The following PARD6B variants were observed in gnomAD, a reference collection of about 807,000 sequenced individuals.
PARD6B encodes the protein par-6 family cell polarity regulator beta.
A neutral mutation model predicts 10.5 loss-of-function variants in PARD6B; 4 were observed. That is an observed-to-expected ratio of 0.38 (90% CI 0.19 to 0.87). The LOEUF is 0.87. Ranked by LOEUF, PARD6B falls within the 40% of genes least tolerant of loss-of-function variation. PARD6B has a pLI of 0.41. For synonymous variants in PARD6B, 169 were observed against 170.4 expected (o/e 0.99, Z 0.07); for missense variants, 396 against 470.6 (o/e 0.84, Z 1.47).
rs777891584 is a variant in PARD6B, at chr20:50,750,672, G to T, written c.*184G>T. ...TTAATATAAACTTTGGTGGATCAGA[G>T]GTGAATTTAAGTCCAAAACAAAGGG... On this transcript the variant is annotated 3_prime_UTR_variant, in exon 3 of 3. Coordinates refer to ENST00000371610, the MANE Select transcript of PARD6B (RefSeq NM_032521.3). 1 of 1,375,820 alleles carries T rather than the reference G, an allele frequency of 7.3e-7. No individual in the cohort carries two copies. Among genetic ancestry groups the T allele is most frequent in the Non-Finnish European group, 9.4e-7 (1 of 1,068,844 alleles). 85.2% of individuals were successfully genotyped at this position (1,375,820 alleles called of 1,614,324 possible).
At chr20:50,744,188 C>T (rs1382432684) in intron 2 of PARD6B, among the ~76,000 whole-genome samples, 3 of 144,540 alleles carry the variant, frequency 2.1e-5, no homozygotes, top group Non-Finnish European at 3.0e-5. Flanking sequence ...GATCTCGTCT[C>T]ACGGCAACCT....
At chr20:50,732,569 C>T (rs1385667132) in intron 1 of PARD6B, among the ~76,000 whole-genome samples, 1 of 152,108 alleles carries the variant, frequency 6.6e-6, no homozygotes, top group Non-Finnish European at 1.5e-5. Flanking sequence ...GCAGGGTAGT[C>T]TGTAGGGAGG....
At chr20:50,746,994 C>T (rs1220283873) in intron 2 of PARD6B, among the ~76,000 whole-genome samples, 2 of 152,202 alleles carry the variant, frequency 1.3e-5, no homozygotes, top group East Asian at 3.9e-4. Context: ...ACATTTCTGT[C>T]TCTGTAAGAG....
intron 2 of PARD6B, among the ~76,000 whole-genome samples, chr20:50,744,995 A>AGC (rs1291165647): frequency 6.6e-6 from 1 of 152,178 alleles, no homozygotes; most frequent in African/African-American, 2.4e-5. Flanking sequence ...TATTCACCAA[A>AGC]TCTGTACCAC....
intron 2 of PARD6B, among the ~76,000 whole-genome samples, chr20:50,743,524 A>C (rs2087542516): frequency 1.3e-5 from 2 of 152,148 alleles, no homozygotes; most frequent in African/African-American, 4.8e-5. Context: ...CATTTTTATG[A>C]ATCAGGGTTT....
At chr20:50,744,453 T>A (rs1048806851) in intron 2 of PARD6B, among the ~76,000 whole-genome samples, 5 of 152,142 alleles carry the variant, frequency 3.3e-5, no homozygotes, top group East Asian at 1.9e-4. Context: ...CACGTCCTTC[T>A]CCAGCCTGCA....
In PARD6B at chr20:50,749,831, G is replaced by A. The variant is rs141238890; in HGVS notation, c.462G>A (p.Thr154=). The A allele has an allele frequency of 6.9e-5, 112 of 1,614,098 alleles. No homozygotes were observed. In the African/African-American group the frequency reaches 1.4e-3, roughly 20 times the overall value. ...TAGACGTGGATATTCTCCCAGAAAC[G>A]CATCGTAGGGTACGTCTTTACAAAT... The part of the protein sequence containing the change: ...SIIDVDILPE[T]HRRVRLYKYG... The change falls in exon 3 of 3, where the codon ACG becomes ACA. Residue 154 remains threonine (T), a synonymous_variant. Coordinates refer to ENST00000371610, the MANE Select transcript of PARD6B (RefSeq NM_032521.3).
chr20:50,740,241 C>A (rs2087523949), intron 2 of PARD6B, among the ~76,000 whole-genome samples: 1 of 152,092 alleles, frequency 6.6e-6, no homozygotes, highest in Non-Finnish European at 1.5e-5. Context: ...CCTTGGAAAG[C>A]TATATATAGA....
chr20:50,742,287 G>A (rs1261018714), intron 2 of PARD6B, among the ~76,000 whole-genome samples: 1 of 151,854 alleles, frequency 6.6e-6, no homozygotes, highest in South Asian at 2.1e-4. Context: ...CAAGTGATCC[G>A]CCCACCTCGG....
intron 2 of PARD6B, among the ~76,000 whole-genome samples, chr20:50,742,284 T>A (rs1336365244): frequency 6.6e-6 from 1 of 152,168 alleles, no homozygotes; most frequent in Non-Finnish European, 1.5e-5. Flanking sequence ...CCTCAAGTGA[T>A]CCGCCCACCT....
In PARD6B at chr20:50,750,736, CTG is replaced by C. The variant is rs1600820927; in HGVS notation, c.*251_*252del. The stretch of plus-strand genomic sequence containing the variant: ...AAGTTACGTGCTTTTGCTGTTTTGT[CTG>C]TGGAGAATCAGATGTTAAAGCACAT... On this transcript the variant is annotated 3_prime_UTR_variant, in exon 3 of 3. Coordinates refer to ENST00000371610, the MANE Select transcript of PARD6B (RefSeq NM_032521.3). The C allele has an allele frequency of 2.4e-6, 3 of 1,265,074 alleles. No homozygotes were observed. Among genetic ancestry groups the C allele is most frequent in the East Asian group, 3.6e-5 (1 of 27,930 alleles). 78.4% of individuals were successfully genotyped at this position (1,265,074 alleles called of 1,614,324 possible).
At chr20:50,747,559 G>GT (rs1250491544) in intron 2 of PARD6B, among the ~76,000 whole-genome samples, 36 of 87,932 alleles carry the variant, frequency 4.1e-4, no homozygotes, top group East Asian at 1.3e-3. Context: ...AAGTTGTTGT[G>GT]TTTTTTTTTT....
At chr20:50,746,140 A>G (rs184100483) in intron 2 of PARD6B, among the ~76,000 whole-genome samples, 2 of 152,138 alleles carry the variant, frequency 1.3e-5, no homozygotes, top group Non-Finnish European at 2.9e-5. Context: ...GCCACCCACA[A>G]ATGGATCCTT....
chr20:50,733,870 A>G lies in PARD6B; in HGVS notation c.66+2018A>G, dbSNP rs982154496. 1.8e-4 allele frequency among the ~76,000 whole-genome samples: 27 copies of G among 152,260 alleles called. 1 individual carries two copies. The highest frequency in any genetic ancestry group is 1.8e-3 in the Admixed American group (27 of 15,290). On this transcript the variant is annotated intron_variant, in intron 1 of 2. Transcript: ENST00000371610. ...CTAAGTATACTGATAAATACAATCA[A>G]ATAGTAATTTATCTCTAGTACTAAG... is the stretch of plus-strand genomic sequence containing the variant.
intron 2 of PARD6B, among the ~76,000 whole-genome samples, chr20:50,739,299 T>C (rs544101187): frequency 2.6e-4 from 40 of 151,972 alleles, no homozygotes; most frequent in Admixed American, 9.2e-4. Context: ...ATACAAAAAT[T>C]AGCTGGGCAT....
intron 1 of PARD6B, 142 bp from the exon 2 acceptor site, chr20:50,737,715 A>G: frequency 6.6e-6 from 4 of 607,272 alleles, no homozygotes; most frequent in Non-Finnish European, 1.1e-5. Flanking sequence ...AATCCCTGAT[A>G]GTAAGGTTCT....
chr20:50,733,568 A>G (rs906266419), intron 1 of PARD6B, among the ~76,000 whole-genome samples: 2 of 150,866 alleles, frequency 1.3e-5, no homozygotes, highest in Non-Finnish European at 1.5e-5. Context: ...ACAGCATAGC[A>G]AATTGAAGTG....
chr20:50,741,075 C>T (rs1051815776), intron 2 of PARD6B, among the ~76,000 whole-genome samples: 1 of 151,898 alleles, frequency 6.6e-6, no homozygotes, highest in Non-Finnish European at 1.5e-5. Context: ...ATTGTCCTGC[C>T]TCAGCCTCCT....
intron 2 of PARD6B, among the ~76,000 whole-genome samples, chr20:50,741,219 G>A (rs555955240): frequency 1.3e-5 from 2 of 151,956 alleles, no homozygotes; most frequent in African/African-American, 2.4e-5. Context: ...TCTTGGCCTC[G>A]AAGTGTTCTG....
Sources: gnomAD v4.1 joint callset for allele counts (sites outside exome capture counted in the v4.1 genomes callset) on GRCh38, gnomAD v4.1.1 for gene constraint, MANE v1.5 for transcripts, NCBI Gene and HGNC (gene_info 2026-07-23, HGNC 2026-07-21) for gene names.